Variants in TMEM132E observed in about 807,000 individuals in gnomAD.
TMEM132E encodes transmembrane protein 132E.
TMEM132E carries 49 observed loss-of-function variants against 78.5 expected under a neutral mutation model. The observed-to-expected ratio is 0.62, with a 90% CI of 0.50 to 0.79. The LOEUF (loss-of-function observed/expected upper bound fraction) is 0.79. Among genes scored for constraint, TMEM132E ranks in the 30% least tolerant of loss-of-function variants. The pLI is 0.00. For missense variants in TMEM132E, 1,403 were observed against 1,470.9 expected, an observed-to-expected ratio of 0.95 and a Z score of 0.75; for synonymous variants, 715 against 670.6, an observed-to-expected ratio of 1.07 and a Z score of -1.02.
At chr17:34,620,704 G>A (rs1906931513) in intron 1 of TMEM132E, among the ~76,000 whole-genome samples, 1 of 152,256 alleles carries the variant, frequency 6.6e-6, no homozygotes, top group Admixed American at 6.5e-5. Flanking sequence ...TGATCTGTCA[G>A]AGTCAGAGCT....
chr17:34,585,069 G>A (rs1905620606), intron 1 of TMEM132E, among the ~76,000 whole-genome samples: 1 of 152,256 alleles, frequency 6.6e-6, no homozygotes, highest in South Asian at 2.1e-4. Context: ...TGCCGGGCGT[G>A]AGGGATGATG....
intron 1 of TMEM132E, among the ~76,000 whole-genome samples, chr17:34,592,583 T>C (rs1482134355): frequency 6.6e-6 from 1 of 152,212 alleles, no homozygotes; most frequent in Non-Finnish European, 1.5e-5. Context: ...CCTAGCAGGA[T>C]GGCCAGGTAA....
At chr17:34,632,947 C>T (rs2142085276) in intron 6 of TMEM132E, 38 bp downstream of exon 6, 3 of 1,608,498 alleles carry the variant, frequency 1.9e-6, no homozygotes, top group Non-Finnish European at 2.6e-6. Context: ...TTGGGAAACT[C>T]ATGGGTGGAT....
intron 1 of TMEM132E, among the ~76,000 whole-genome samples, chr17:34,595,807 G>C (rs1005478473): frequency 6.6e-6 from 1 of 152,162 alleles, no homozygotes; most frequent in Non-Finnish European, 1.5e-5. Flanking sequence ...GAAGTTGGTT[G>C]GTCACAGCTG....
intron 1 of TMEM132E, among the ~76,000 whole-genome samples, chr17:34,604,365 G>A (rs141876872): frequency 3.0e-4 from 45 of 152,198 alleles, no homozygotes; most frequent in African/African-American, 9.4e-4. Flanking sequence ...CACACCATCC[G>A]CCAAGAGAGC....
chr17:34,626,131 T>C lies in TMEM132E; in HGVS notation c.72T>C (p.Ser24=). The C allele has an allele frequency of 6.6e-7, 1 of 1,516,398 alleles. No individual in the cohort carries two copies. The highest frequency in any genetic ancestry group is 8.8e-7 in the Non-Finnish European group (1 of 1,136,764). The allele number at this position is 1,516,398 out of a possible 1,614,324, so 93.9% of individuals were successfully genotyped here. Reference sequence around the variant, plus strand: ...CTTTCCTCTGTCTGTCCCCAGCCTCTGGCCGCTCCCACCCGGCCAGCCCCA... The same window carrying C: ...CTTTCCTCTGTCTGTCCCCAGCCTCCGGCCGCTCCCACCCGGCCAGCCCCA... The part of the protein sequence containing the change: ...LCLSALLAHA[S]GRSHPASPSP... Residue 24 remains serine (S), a synonymous_variant, in exon 2 of 9, where the codon TCT becomes TCC. Transcript: ENST00000631683.
In TMEM132E at chr17:34,619,305, A is replaced by G. The variant is rs531964365; in HGVS notation, c.68-6822A>G. ...ATTAACTATCAGCAACGCCAACGTT[A>G]TGCTGCGCAAGTCACAGCCTCTTCA... On this transcript the variant is annotated intron_variant, in intron 1 of 8. Transcript: ENST00000631683. Among the ~76,000 whole-genome samples, 270 of 151,520 alleles carry G rather than the reference A, an allele frequency of 1.8e-3. 2 individuals carry two copies. The highest frequency in any genetic ancestry group is 6.3e-3 in the African/African-American group (261 of 41,206).
At chr17:34,602,892 G>A (rs1663466533) in intron 1 of TMEM132E, among the ~76,000 whole-genome samples, 1 of 152,208 alleles carries the variant, frequency 6.6e-6, no homozygotes, top group African/African-American at 2.4e-5. Context: ...GTCCACGTGG[G>A]ATGGAAGTAA....
intron 1 of TMEM132E, among the ~76,000 whole-genome samples, chr17:34,619,183 CTCAT>C (rs774401750): frequency 2.2e-4 from 33 of 152,276 alleles, no homozygotes; most frequent in African/African-American, 7.5e-4. Context: ...CATGCCCCCT[CTCAT>C]TCATTCATTC....
intron 1 of TMEM132E, among the ~76,000 whole-genome samples, chr17:34,605,606 T>C (rs1906385926): frequency 6.6e-6 from 1 of 152,174 alleles, no homozygotes; most frequent in African/African-American, 2.4e-5. Flanking sequence ...CCCCCCACCA[T>C]CAGCACCAGG....
Position 34,634,964 on chromosome 17 carries a change from G to T in TMEM132E, c.1854G>T (p.Pro618=). The T allele has an allele frequency of 1.9e-6, 3 of 1,614,158 alleles. No homozygotes were observed. Among genetic ancestry groups the T allele is most frequent in the Non-Finnish European group, 2.5e-6 (3 of 1,180,036 alleles). The change falls in exon 7 of 9, where the codon CCG becomes CCT. Residue 618 remains proline, a synonymous_variant. Coordinates refer to ENST00000631683, the MANE Select transcript of TMEM132E (RefSeq NM_001304438.2). ...GTDQVVTMLG[P]DWLVEVTDLV... ...ACCAGGTGGTCACCATGTTAGGCCC[G>T]GACTGGCTGGTGGAGGTCACCGACC...
chr17:34,588,910 C>G (rs140477913), intron 1 of TMEM132E, among the ~76,000 whole-genome samples: 17 of 152,136 alleles, frequency 1.1e-4, no homozygotes, highest in African/African-American at 4.1e-4. Context: ...TGCACCACCA[C>G]ACCTGGCTAA....
rs1004333 is a variant in TMEM132E at position 34,600,711 on chromosome 17, C to A, written c.67+19568C>A. Among the ~76,000 whole-genome samples the A allele has an allele frequency of 8.1e-4, 123 of 152,018 alleles. 1 individual carries two copies. Among genetic ancestry groups the A allele is most frequent in the African/African-American group, 2.9e-3 (121 of 41,450 alleles). Reference sequence around the variant, plus strand: ...AGGGCCAGGAGTTGGAGTGCGGCCCCGGCAGAACTGGCAGTCCAGGATGGA... The same window carrying A: ...AGGGCCAGGAGTTGGAGTGCGGCCCAGGCAGAACTGGCAGTCCAGGATGGA... On this transcript the variant is annotated intron_variant, in intron 1 of 8. Transcript: ENST00000631683.
intron 1 of TMEM132E, among the ~76,000 whole-genome samples, chr17:34,613,259 A>G (rs1906670938): frequency 1.4e-5 from 2 of 144,738 alleles, no homozygotes; most frequent in Admixed American, 7.0e-5. Context: ...GTTTGCGGCT[A>G]ATTGTTTATT....
At chr17:34,634,700 G>C (rs1174076638) in intron 6 of TMEM132E, 99 bp from the exon 7 acceptor site, 9 of 1,408,338 alleles carry the variant, frequency 6.4e-6, no homozygotes, top group Non-Finnish European at 8.5e-6. Flanking sequence ...AGAGCTTCTG[G>C]GAAGCTGGGA....
At chr17:34,616,329 C>A (rs1348186069) in intron 1 of TMEM132E, among the ~76,000 whole-genome samples, 1 of 152,072 alleles carries the variant, frequency 6.6e-6, no homozygotes, top group Non-Finnish European at 1.5e-5. Flanking sequence ...GATAACAGTA[C>A]TGGGAAGCTG....
chr17:34,638,221 G>T lies in TMEM132E; in HGVS notation c.3214G>T (p.Glu1072Ter), dbSNP rs759016975. ...DLHNYMRRIK[E>*]IA ...GCACAATTACATGCGCAGAATCAAA[G>T]AGATTGCATAGAGGCGCCAGCCGGA... Residue 1072 changes from glutamate to a stop codon, truncating the protein, a stop_gained, in exon 9 of 9, where the codon GAG (glutamate) becomes TAG (stop). Coordinates refer to ENST00000631683, the MANE Select transcript of TMEM132E (RefSeq NM_001304438.2). LOFTEE classifies it high-confidence loss of function. 4.4e-6 allele frequency: 7 copies of T among 1,589,792 alleles called. No homozygotes were observed. The Admixed American group carries it at 7.0e-5, about 16-fold the overall frequency.
At chr17:34,599,211 A>G (rs748105909) in intron 1 of TMEM132E, among the ~76,000 whole-genome samples, 39 of 152,210 alleles carry the variant, frequency 2.6e-4, no homozygotes, top group Non-Finnish European at 4.7e-4. Flanking sequence ...GGGGTTCCCC[A>G]CAGCAAGAGG....
chr17:34,590,989 C>T (rs1052600514), intron 1 of TMEM132E, among the ~76,000 whole-genome samples: 1 of 152,072 alleles, frequency 6.6e-6, no homozygotes, highest in African/African-American at 2.4e-5. Context: ...ACCGTTAGAA[C>T]CAGAGGGATA....
Sources: gnomAD v4.1 joint callset for allele counts (sites outside exome capture counted in the v4.1 genomes callset) on GRCh38, gnomAD v4.1.1 for gene constraint, MANE v1.5 for transcripts, NCBI Gene and HGNC (gene_info 2026-07-23, HGNC 2026-07-21) for gene names.